Variants in UGT1A7 observed in about 807,000 individuals in gnomAD.
The protein encoded by UGT1A7 is UDP glucuronosyltransferase family 1 member A7.
UGT1A7 carries 33 observed loss-of-function variants against 45.6 expected under a neutral mutation model. That is an observed-to-expected ratio of 0.72 (90% confidence interval 0.55 to 0.97). The LOEUF (loss-of-function observed/expected upper bound fraction) is 0.97, where lower values mean the gene tolerates loss of function less well. UGT1A7 is among the 50% of genes least tolerant of loss of function. The pLI, the probability that UGT1A7 is intolerant of heterozygous loss-of-function variation, is 0.00. For synonymous variants in UGT1A7, 274 were observed against 250.6 expected (o/e 1.09, Z -0.88); for missense variants, 684 against 666.2 (o/e 1.03, Z -0.29).
intron 1 of UGT1A7, chr2:233,692,894 G>A: frequency 6.5e-7 from 1 of 1,528,362 alleles, no homozygotes. Context: ...CAAGGGAGAG[G>A]TAGACAGGAC....
chr2:233,710,278 C>T (rs1324621072), intron 1 of UGT1A7, among the ~76,000 whole-genome samples: 1 of 152,148 alleles, frequency 6.6e-6, no homozygotes, highest in Non-Finnish European at 1.5e-5. Context: ...TGGGTAAATA[C>T]TTAAAAGTGG....
intron 1 of UGT1A7, chr2:233,755,115 G>A: frequency 1.5e-6 from 2 of 1,331,678 alleles, no homozygotes; most frequent in Non-Finnish European, 2.0e-6. Context: ...CACCTCGTAG[G>A]CCTCAGCCAC....
chr2:233,751,498 G>T (rs1694741950), intron 1 of UGT1A7, among the ~76,000 whole-genome samples: 1 of 152,208 alleles, frequency 6.6e-6, no homozygotes, highest in Non-Finnish European at 1.5e-5. Flanking sequence ...CATGAGATTT[G>T]GGAGGGGCCA....
At chr2:233,692,965 A>G in intron 1 of UGT1A7, 1 of 1,610,184 alleles carries the variant, frequency 6.2e-7, no homozygotes, top group African/African-American at 1.3e-5. Flanking sequence ...TTGGAGAGTG[A>G]AAACTCTTTA....
chr2:233,715,167 C>G (rs767247099), intron 1 of UGT1A7, among the ~76,000 whole-genome samples: 1 of 152,042 alleles, frequency 6.6e-6, no homozygotes, highest in Non-Finnish European at 1.5e-5. Flanking sequence ...ATTACAGGCG[C>G]GAGCCACCAC....
chr2:233,772,669 CA>C lies in UGT1A7; in HGVS notation c.*111del. On this transcript the variant is annotated 3_prime_UTR_variant, in exon 5 of 5. Coordinates refer to ENST00000373426, the MANE Select transcript of UGT1A7 (RefSeq NM_019077.3). ...TTATTCTTATTAAGGAAATACTTTG[CA>C]TAAATTAATCAGCCCCAGAGTGCTT... 6.5e-7 allele frequency: 1 copy of C among 1,536,408 alleles called. No individual in the cohort carries two copies. The highest frequency in any genetic ancestry group is 1.4e-5 in the African/African-American group (1 of 72,618).
At chr2:233,757,560 A>ATATATATATATATATATATATG (rs904896556) in intron 1 of UGT1A7, among the ~76,000 whole-genome samples, 6 of 123,150 alleles carry the variant, frequency 4.9e-5, no homozygotes, top group African/African-American at 2.0e-4. Flanking sequence ...ATATATATAT[A>ATATATATATATATATATATATG]TGTATATATG....
chr2:233,713,876 T>C (rs768644930), intron 1 of UGT1A7: 295 of 1,613,474 alleles, frequency 1.8e-4, no homozygotes, highest in Middle Eastern at 5.2e-4. Flanking sequence ...TTGGTGCCTT[T>C]ATCCAATCAA....
At chr2:233,768,584 T>C (rs1699663282) in intron 4 of UGT1A7, 145 bp downstream of exon 4, 3 of 86,896 alleles carry the variant, frequency 3.5e-5, no homozygotes, top group Non-Finnish European at 4.3e-5. Flanking sequence ...TATTTCTTCT[T>C]TTTTTTTTTT....
At chr2:233,719,660 C>T (rs1180675848) in intron 1 of UGT1A7, 1 of 1,614,116 alleles carries the variant, frequency 6.2e-7, no homozygotes, top group South Asian at 1.1e-5. Flanking sequence ...GGGGCATCAA[C>T]TGTGCCAACG....
chr2:233,734,123 A>ATAAT (rs1384319848), intron 1 of UGT1A7, among the ~76,000 whole-genome samples: 1 of 151,918 alleles, frequency 6.6e-6, no homozygotes, highest in Non-Finnish European at 1.5e-5. Context: ...AATAATAATA[A>ATAAT]AAAGAATTTG....
In UGT1A7 at chr2:233,752,049, A is replaced by C. The variant is rs1694880379; in HGVS notation, c.856-14985A>C. On this transcript the variant is annotated intron_variant, in intron 1 of 4. Transcript: ENST00000373426. ...TCCTAGAAAGGTAAGCTGTTGTGTG[A>C]ATGATTTCCCGAGATGGGGAAGTCT... Among the ~76,000 whole-genome samples the C allele has an allele frequency of 2.0e-5, 3 of 152,224 alleles. 1 individual carries two copies. The highest frequency in any genetic ancestry group is 7.2e-5 in the African/African-American group (3 of 41,440).
chr2:233,767,167 T>C lies in UGT1A7; in HGVS notation c.987+2T>C. ...GCTTTGGGCAAAATCCCTCAGACAG[T>C]AAGAAGATTCTATACCATGGCCTCA... On this transcript the variant is annotated splice_donor_variant, in intron 2 of 4. Coordinates refer to ENST00000373426, the MANE Select transcript of UGT1A7 (RefSeq NM_019077.3). LOFTEE classifies it high-confidence loss of function. The C allele has an allele frequency of 2.5e-6, 4 of 1,614,068 alleles. No homozygotes were observed. The highest frequency in any genetic ancestry group is 3.4e-6 in the Non-Finnish European group (4 of 1,180,002).
At chr2:233,704,427 A>G (rs939279482) in intron 1 of UGT1A7, among the ~76,000 whole-genome samples, 2 of 152,100 alleles carry the variant, frequency 1.3e-5, no homozygotes, top group Non-Finnish European at 1.5e-5. Flanking sequence ...ACTTAATTCC[A>G]GTTAAATATT....
intron 1 of UGT1A7, among the ~76,000 whole-genome samples, chr2:233,711,697 C>T (rs569258962): frequency 1.4e-3 from 217 of 152,312 alleles, no homozygotes; most frequent in Non-Finnish European, 2.6e-3. Context: ...GGGGTAACTT[C>T]CTCCCTAAGG....
chr2:233,694,907 G>A (rs1347121458), intron 1 of UGT1A7, among the ~76,000 whole-genome samples: 1 of 152,154 alleles, frequency 6.6e-6, no homozygotes, highest in African/African-American at 2.4e-5. Flanking sequence ...TTTGATACAC[G>A]TATACAATGT....
intron 1 of UGT1A7, among the ~76,000 whole-genome samples, chr2:233,749,893 C>A (rs141027223): frequency 6.6e-5 from 10 of 151,938 alleles, no homozygotes; most frequent in Non-Finnish European, 1.2e-4. Context: ...GAGGCTCCCC[C>A]CTCCAGCCAC....
rs753125541 is a variant in UGT1A7, at chr2:233,729,452, A to C, written c.856-37582A>C. The C allele has an allele frequency of 1.4e-5, 23 of 1,614,030 alleles. No individual in the cohort carries two copies. The highest frequency in any genetic ancestry group is 1.7e-4 in the Middle Eastern group (1 of 6,060). On this transcript the variant is annotated intron_variant, in intron 1 of 4. Transcript: ENST00000373426. ...TTTGAAACAGAACATTTTCTGAAGA[A>C]ATTTTTCAGAAGTATGGCAATGTTG...
At position 233,682,604 on chromosome 2, in the gene UGT1A7, T is replaced by A. The variant is rs534450007; in HGVS notation, c.667T>A (p.Phe223Ile). ...HLEEHLFCPY[F>I]FKNVLEIASE... ...GGAGGAACATTTATTTTGCCCCTAT[T>A]TTTTCAAAAATGTCTTAGAAATAGC... The change falls in exon 1 of 5, where the codon TTT becomes ATT. Residue 223 changes from phenylalanine to isoleucine, a missense_variant. By Grantham distance (21) the Phe-to-Ile change is conservative. Coordinates refer to ENST00000373426, the MANE Select transcript of UGT1A7 (RefSeq NM_019077.3). 2 of 1,613,930 alleles carry A rather than the reference T, an allele frequency of 1.2e-6. No homozygotes were observed. The highest frequency in any genetic ancestry group is 1.7e-6 in the Non-Finnish European group (2 of 1,179,840).
Sources: gnomAD v4.1 joint callset for allele counts (sites outside exome capture counted in the v4.1 genomes callset) on GRCh38, gnomAD v4.1.1 for gene constraint, MANE v1.5 for transcripts, NCBI Gene and HGNC (gene_info 2026-07-23, HGNC 2026-07-21) for gene names.